The following SERPINI1 variants were observed in gnomAD, a reference collection of about 807,000 sequenced individuals.
The protein encoded by SERPINI1 is neuroserpin.
SERPINI1 carries 19 observed loss-of-function variants against 41.1 expected under a neutral mutation model. That is an observed-to-expected ratio of 0.46 (90% CI 0.32 to 0.68). The LOEUF is 0.68. SERPINI1 is among the 30% of genes least tolerant of loss of function. SERPINI1 has a pLI of 0.03. For missense variants in SERPINI1, 460 were observed against 479.2 expected, an observed-to-expected ratio of 0.96 and a Z score of 0.37; for synonymous variants, 138 against 156.6, an observed-to-expected ratio of 0.88 and a Z score of 0.89.
chr3:167,765,025 C>T (rs369172393), intron 1 of SERPINI1, among the ~76,000 whole-genome samples: 1 of 152,146 alleles, frequency 6.6e-6, no homozygotes, highest in East Asian at 1.9e-4. Flanking sequence ...ACCCTCCCTC[C>T]TAGCTGCCTT....
intron 6 of SERPINI1, 89 bp downstream of exon 6, chr3:167,807,430 C>T (rs892657814): frequency 1.4e-5 from 12 of 881,354 alleles, no homozygotes; most frequent in Non-Finnish European, 2.0e-5. Context: ...CTATGGAGTT[C>T]TGGGGTAAAA....
At chr3:167,763,650 G>A (rs1001452603) in intron 1 of SERPINI1, among the ~76,000 whole-genome samples, 11 of 152,096 alleles carry the variant, frequency 7.2e-5, no homozygotes, top group East Asian at 1.9e-4. Context: ...CTACCAGCTC[G>A]TTTTCCACAC....
chr3:167,781,785 C>A (rs1727135455), intron 1 of SERPINI1, among the ~76,000 whole-genome samples: 1 of 151,758 alleles, frequency 6.6e-6, no homozygotes, highest in African/African-American at 2.4e-5. Flanking sequence ...AAAAAAGATG[C>A]ATTTGTGAAT....
intron 6 of SERPINI1, among the ~76,000 whole-genome samples, chr3:167,817,714 C>T (rs1712153358): frequency 6.6e-6 from 1 of 152,046 alleles, no homozygotes; most frequent in Non-Finnish European, 1.5e-5. Context: ...TCTCCTGCCT[C>T]AGCCTCCCGA....
intron 1 of SERPINI1, among the ~76,000 whole-genome samples, chr3:167,746,050 A>C (rs1416517519): frequency 6.6e-6 from 1 of 152,168 alleles, no homozygotes; most frequent in Non-Finnish European, 1.5e-5. Context: ...GCAATTGACA[A>C]GTTGAACTTA....
intron 5 of SERPINI1, among the ~76,000 whole-genome samples, chr3:167,804,134 C>T (rs1226519083): frequency 6.6e-6 from 1 of 152,108 alleles, no homozygotes; most frequent in African/African-American, 2.4e-5. Context: ...CAATCAATAC[C>T]TGCTTTTGGT....
At chr3:167,810,833 A>G (rs1711849650) in intron 6 of SERPINI1, among the ~76,000 whole-genome samples, 1 of 152,186 alleles carries the variant, frequency 6.6e-6, no homozygotes, top group African/African-American at 2.4e-5. Flanking sequence ...AAACCCTACC[A>G]CTGCTTTATC....
intron 5 of SERPINI1, among the ~76,000 whole-genome samples, chr3:167,796,760 T>C (rs1452130549): frequency 6.6e-6 from 1 of 152,140 alleles, no homozygotes; most frequent in Non-Finnish European, 1.5e-5. Context: ...GGTCTGTCCT[T>C]GATGGGCATG....
At chr3:167,757,630 T>C (rs192246925) in intron 1 of SERPINI1, among the ~76,000 whole-genome samples, 1 of 152,170 alleles carries the variant, frequency 6.6e-6, no homozygotes, top group Admixed American at 6.5e-5. Context: ...TAAATGTTCC[T>C]AACTGTGGCT....
At chr3:167,792,245 G>A (rs1040038686) in intron 3 of SERPINI1, among the ~76,000 whole-genome samples, 1 of 152,080 alleles carries the variant, frequency 6.6e-6, no homozygotes, top group African/African-American at 2.4e-5. Flanking sequence ...AGCTTATATT[G>A]TATGTGGTTC....
In SERPINI1 at chr3:167,775,266, T is replaced by TATC. The variant is rs1222213270; in HGVS notation, c.-18-13843_-18-13842insCAT. On this transcript the variant is annotated intron_variant, in intron 1 of 8. Coordinates refer to ENST00000446050, the MANE Select transcript of SERPINI1 (RefSeq NM_001122752.2). ...TTATTATTATTATTATTATTATTAT[T>TATC]ATTATTATTATTTGAGACAGAGTCT... 2.8e-5 allele frequency among the ~76,000 whole-genome samples: 4 copies of TATC among 141,238 alleles called. No homozygotes were observed. The South Asian group carries it at 8.9e-4, about 32-fold the overall frequency. The allele number at this position is 141,238 out of a possible 152,430, so 92.7% of individuals were successfully genotyped here. A position where few individuals can be genotyped will look rare whatever the true frequency, so the allele number is the denominator to read the frequency against.
rs901775636 is a variant in SERPINI1 at position 167,792,649 on chromosome 3, A to G, written c.541A>G (p.Ile181Val). Residue 181 changes from isoleucine to valine, a missense_variant, in exon 4 of 9, where the codon ATT becomes GTT. Ile to Val is a conservative substitution (Grantham distance 29, BLOSUM62 3). Coordinates refer to ENST00000446050, the MANE Select transcript of SERPINI1 (RefSeq NM_001122752.2). ...TGATGCTGCCACTTATCTGGCCCTC[A>G]TTAATGCTGTCTATTTCAAGGGGAA... ...DFDAATYLAL[I>V]NAVYFKGNWK... The G allele has an allele frequency of 3.1e-6, 5 of 1,613,656 alleles. No homozygotes were observed. The highest frequency in any genetic ancestry group is 4.2e-6 in the Non-Finnish European group (5 of 1,179,894).
At chr3:167,752,200 C>G (rs1023029660) in intron 1 of SERPINI1, among the ~76,000 whole-genome samples, 1 of 152,120 alleles carries the variant, frequency 6.6e-6, no homozygotes, top group East Asian at 1.9e-4. Context: ...AACTCTAATC[C>G]AAATGTGCTC....
chr3:167,821,959 G>T (rs1270094707), intron 6 of SERPINI1, among the ~76,000 whole-genome samples: 1 of 152,138 alleles, frequency 6.6e-6, no homozygotes, highest in East Asian at 1.9e-4. Context: ...GCCAGTCTTT[G>T]TTTTATTAAA....
chr3:167,789,784 C>T (rs1005009252), intron 2 of SERPINI1, among the ~76,000 whole-genome samples: 1 of 152,046 alleles, frequency 6.6e-6, no homozygotes, highest in Non-Finnish European at 1.5e-5. Context: ...CAGCAGTATC[C>T]TCTTGTTTAA....
intron 1 of SERPINI1, among the ~76,000 whole-genome samples, chr3:167,767,869 T>G (rs1726616051): frequency 6.6e-6 from 1 of 152,316 alleles, no homozygotes; most frequent in Non-Finnish European, 1.5e-5. Flanking sequence ...TTTGAAGGGA[T>G]GAGGCATTGC....
intron 5 of SERPINI1, among the ~76,000 whole-genome samples, chr3:167,802,510 A>G (rs2108564428): frequency 6.6e-6 from 1 of 151,774 alleles, no homozygotes; most frequent in South Asian, 2.1e-4. Context: ...TATGCAGCCA[A>G]AAAACACATG....
At chr3:167,786,798 T>G (rs35857772) in intron 1 of SERPINI1, among the ~76,000 whole-genome samples, 19,147 of 152,148 alleles carry the variant, frequency 0.13, 1,441 homozygotes, top group African/African-American at 0.21. Flanking sequence ...AAAAACTTTT[T>G]GACCGTTTTG....
rs572153034 is a variant in SERPINI1, at chr3:167,792,332, T to A, written c.482-258T>A. 4.1e-5 allele frequency among the ~76,000 whole-genome samples: 6 copies of A among 146,830 alleles called. No homozygotes were observed. The South Asian group carries it at 1.3e-3, about 31-fold the overall frequency. Reference sequence around the variant, plus strand: ...TTTTGAATGCCCTTAATTTCTTTTTTATATATATATACACACACATATATA... The same window carrying A: ...TTTTGAATGCCCTTAATTTCTTTTTAATATATATATACACACACATATATA... On this transcript the variant is annotated intron_variant, in intron 3 of 8. Transcript: ENST00000446050.
Sources: gnomAD v4.1 joint callset for allele counts (sites outside exome capture counted in the v4.1 genomes callset) on GRCh38, gnomAD v4.1.1 for gene constraint, MANE v1.5 for transcripts, NCBI Gene and HGNC (gene_info 2026-07-23, HGNC 2026-07-21) for gene names.